GALNT14: variants seen among roughly 807,000 people sequenced by gnomAD.
GALNT14 encodes the protein UDP-GalNAc:polypeptide N-acetylgalactosaminyltransferase 14.
GALNT14 carries 60 observed loss-of-function variants against 77.5 expected under a neutral mutation model. The observed-to-expected ratio is 0.77, with a 90% CI of 0.63 to 0.96. GALNT14 has a LOEUF of 0.96. GALNT14 is among the 40% of genes least tolerant of loss of function. The pLI is 0.00. For missense variants in GALNT14, 710 were observed against 731.0 expected (o/e 0.97, Z 0.33); for synonymous variants, 280 against 281.7 (o/e 0.99, Z 0.06).
intron 3 of GALNT14, among the ~76,000 whole-genome samples, chr2:30,962,900 G>A (rs1232510976): frequency 6.6e-6 from 1 of 152,166 alleles, no homozygotes; most frequent in Non-Finnish European, 1.5e-5. Context: ...ATTCATTTGT[G>A]CAACAGGATA....
chr2:30,954,409 G>A (rs1177546938), intron 6 of GALNT14, among the ~76,000 whole-genome samples: 1 of 152,180 alleles, frequency 6.6e-6, no homozygotes, highest in Non-Finnish European at 1.5e-5. Context: ...TGCCTCAGCT[G>A]GAGTGCAATG....
At chr2:31,120,609 T>C (rs1341835024) in intron 1 of GALNT14, among the ~76,000 whole-genome samples, 3 of 152,092 alleles carry the variant, frequency 2.0e-5, no homozygotes, top group African/African-American at 7.2e-5. Flanking sequence ...CAGGCTGGAG[T>C]GCAGTGCCAC....
chr2:31,125,368 C>G, intron 1 of GALNT14: 1 of 767,976 alleles, frequency 1.3e-6, no homozygotes, highest in Non-Finnish European at 2.2e-6. Context: ...TAGGAAAGAT[C>G]TGGATCCAGC....
the GALNT14 span, among the ~76,000 whole-genome samples, chr2:30,902,145 A>C: frequency 6.6e-6 from 1 of 152,188 alleles, no homozygotes; most frequent in Non-Finnish European, 1.5e-5. Context: ...CCTGCAGGCA[A>C]AGGCATCCCT....
At chr2:31,059,373 T>C (rs1674442473) in intron 1 of GALNT14, among the ~76,000 whole-genome samples, 1 of 152,196 alleles carries the variant, frequency 6.6e-6, no homozygotes, top group African/African-American at 2.4e-5. Context: ...ATAAATACTC[T>C]CAGGAATTCA....
At chr2:30,970,744 C>A (rs971469003) in intron 2 of GALNT14, among the ~76,000 whole-genome samples, 1 of 152,106 alleles carries the variant, frequency 6.6e-6, no homozygotes, top group Non-Finnish European at 1.5e-5. Flanking sequence ...GCTCCTCCAG[C>A]ACAGGCCCAG....
intron 6 of GALNT14, among the ~76,000 whole-genome samples, chr2:30,954,881 C>G (rs980898977): frequency 6.6e-6 from 1 of 152,154 alleles, no homozygotes; most frequent in Non-Finnish European, 1.5e-5. Context: ...ACCTGACCTC[C>G]TACTTCACAG....
At chr2:31,092,358 T>C (rs1676791705) in intron 1 of GALNT14, among the ~76,000 whole-genome samples, 1 of 151,988 alleles carries the variant, frequency 6.6e-6, no homozygotes, top group African/African-American at 2.4e-5. Context: ...AATCTATTCA[T>C]GAGGGTCCCA....
At chr2:30,899,217 C>T in the GALNT14 span, among the ~76,000 whole-genome samples, 1 of 152,194 alleles carries the variant, frequency 6.6e-6, no homozygotes, top group Non-Finnish European at 1.5e-5. Flanking sequence ...TTCCTTCATC[C>T]CAGGAATGGG....
intron 1 of GALNT14, among the ~76,000 whole-genome samples, chr2:31,029,675 T>C (rs772454102): frequency 1.3e-5 from 2 of 152,176 alleles, no homozygotes; most frequent in Admixed American, 6.5e-5. Flanking sequence ...GTCGCAATCA[T>C]GTAGACTAGA....
chr2:31,019,137 G>C (rs1671561417), intron 1 of GALNT14, among the ~76,000 whole-genome samples: 1 of 152,110 alleles, frequency 6.6e-6, no homozygotes, highest in Admixed American at 6.6e-5. Flanking sequence ...CTTCAACTCA[G>C]GGCTCCTAAA....
intron 2 of GALNT14, among the ~76,000 whole-genome samples, chr2:30,976,114 A>T (rs1353923740): frequency 6.6e-6 from 1 of 152,130 alleles, no homozygotes; most frequent in African/African-American, 2.4e-5. Flanking sequence ...CAAAAAACAT[A>T]ATTACTGAAC....
the GALNT14 span, among the ~76,000 whole-genome samples, chr2:30,887,152 G>A: frequency 6.6e-6 from 1 of 152,034 alleles, no homozygotes; most frequent in Non-Finnish European, 1.5e-5. Flanking sequence ...TTGTTTCCAC[G>A]TTTGGCTACT....
At position 30,955,746 on chromosome 2, in the gene GALNT14, T is replaced by A. The variant is rs1458456592; in HGVS notation, c.533-7A>T. The A allele has an allele frequency of 6.2e-7, 1 of 1,613,888 alleles. No homozygotes were observed. The highest frequency in any genetic ancestry group is 8.5e-7 in the Non-Finnish European group (1 of 1,179,942). ...ATCCGGGACCGGACCAGACCTGCAG[T>A]CAGGAACAAATGACGAAGTGGGTGC... On this transcript the variant is annotated splice_polypyrimidine_tract_variant and splice_region_variant and intron_variant, in intron 5 of 14. Transcript: ENST00000349752.
chr2:31,095,008 G>A (rs1392529792), intron 1 of GALNT14, among the ~76,000 whole-genome samples: 1 of 152,148 alleles, frequency 6.6e-6, no homozygotes, highest in Non-Finnish European at 1.5e-5. Context: ...CCACAAAAAT[G>A]TCAAGTCTGG....
chr2:30,955,851 A>C, intron 5 of GALNT14, 61 bp downstream of exon 5: 1 of 1,608,456 alleles, frequency 6.2e-7, no homozygotes, highest in East Asian at 2.2e-5. Flanking sequence ...CACACACACC[A>C]TCACACCTTC....
At chr2:30,904,155 C>G in the GALNT14 span, among the ~76,000 whole-genome samples, 1 of 152,192 alleles carries the variant, frequency 6.6e-6, no homozygotes, top group South Asian at 2.1e-4. Context: ...AGACAATTCC[C>G]CAGAATATGG....
At chr2:31,013,698 AGTCT>A (rs139270078) in intron 1 of GALNT14, among the ~76,000 whole-genome samples, 2,983 of 152,270 alleles carry the variant, frequency 0.02, 102 homozygotes, top group African/African-American at 0.065. Flanking sequence ...TTTGGACCCC[AGTCT>A]GTCTGGCCCA....
At chr2:30,923,631 G>T (rs10205350) in intron 13 of GALNT14, among the ~76,000 whole-genome samples, 36,326 of 152,022 alleles carry the variant, frequency 0.24, 4,633 homozygotes, top group East Asian at 0.4. Context: ...CAGACAGAGA[G>T]GGTTTTACCA....
Sources: allele counts gnomAD v4.1 joint callset (sites outside exome capture counted in the v4.1 genomes callset), GRCh38; gene constraint gnomAD v4.1.1; transcripts MANE v1.5; gene names NCBI Gene and HGNC (gene_info 2026-07-23, HGNC 2026-07-21).